The following SLIT2 variants were observed in gnomAD, a reference collection of about 807,000 sequenced individuals.
SLIT2 encodes the protein slit homolog 2 protein.
Under a neutral mutation model 185.7 loss-of-function variants are expected in SLIT2, and 41 were observed. The ratio of observed to expected loss-of-function variants is 0.22; its 90% CI spans 0.17 to 0.29. The LOEUF is 0.29. Among genes scored for constraint, SLIT2 ranks in the 10% least tolerant of loss-of-function variants. The pLI, the probability that SLIT2 is intolerant of heterozygous loss-of-function variation, is 1.00. For missense variants in SLIT2, 1,571 were observed against 1,909.0 expected (o/e 0.82, Z 3.30); for synonymous variants, 693 against 680.2 (o/e 1.02, Z -0.29).
At chr4:20,499,783 CAG>C (rs768435418) in intron 9 of SLIT2, among the ~76,000 whole-genome samples, 5 of 152,130 alleles carry the variant, frequency 3.3e-5, no homozygotes, top group Non-Finnish European at 5.9e-5. Context: ...ACGCCATGCC[CAG>C]AGTCATCTGA....
chr4:20,488,950 C>T lies in SLIT2; in HGVS notation c.743C>T (p.Ala248Val). 1 of 1,610,722 alleles carries T rather than the reference C, an allele frequency of 6.2e-7. No homozygotes were observed. Among genetic ancestry groups the T allele is most frequent in the South Asian group, 1.1e-5 (1 of 90,758 alleles). ...GPSHLRGHNV[A>V]EVQKREFVCS... ...TCCCACCTGAGAGGCCATAATGTAG[C>T]CGAGGTTCAAAAACGAGAATTTGTC... Residue 248 changes from alanine to valine, a missense_variant, in exon 8 of 37, where the codon GCC becomes GTC. Physicochemically the swap from Ala to Val is moderately conservative, Grantham distance 64. Transcript: ENST00000504154.
intron 4 of SLIT2, among the ~76,000 whole-genome samples, chr4:20,377,914 G>T (rs1387562334): frequency 9.9e-5 from 15 of 152,090 alleles, no homozygotes; most frequent in Non-Finnish European, 4.4e-5. Context: ...TAAAAATGAA[G>T]AATAAGGAAA....
chr4:20,579,062 G>A (rs1186641092), intron 29 of SLIT2, among the ~76,000 whole-genome samples: 8 of 152,122 alleles, frequency 5.3e-5, no homozygotes, highest in East Asian at 1.9e-4. Context: ...TTGGGAGGCC[G>A]AGGCAGGTGG....
At position 20,305,636 on chromosome 4, in the gene SLIT2, G is replaced by T. The variant is rs563096935; in HGVS notation, c.395+36755G>T. 2.6e-5 allele frequency among the ~76,000 whole-genome samples: 4 copies of T among 152,096 alleles called. No individual in the cohort carries two copies. The East Asian group carries it at 7.8e-4, about 30-fold the overall frequency. On this transcript the variant is annotated intron_variant, in intron 4 of 36. Coordinates refer to ENST00000504154, the MANE Select transcript of SLIT2 (RefSeq NM_004787.4). Reference sequence around the variant, plus strand: ...GCCTATAATCCCAGCATTTTGGGAGGCCGAGGTGGGCAGATCACTTGAGAT... The same window carrying T: ...GCCTATAATCCCAGCATTTTGGGAGTCCGAGGTGGGCAGATCACTTGAGAT...
chr4:20,553,459 C>T (rs547131377), intron 25 of SLIT2, among the ~76,000 whole-genome samples: 2 of 152,234 alleles, frequency 1.3e-5, no homozygotes, highest in South Asian at 2.1e-4. Flanking sequence ...CTTAAGTCAT[C>T]AGTAAATAAT....
chr4:20,467,435 T>C (rs1279038503), intron 4 of SLIT2, among the ~76,000 whole-genome samples: 1 of 152,068 alleles, frequency 6.6e-6, no homozygotes, highest in Non-Finnish European at 1.5e-5. Flanking sequence ...ATGAACAATT[T>C]ACTATTCTTT....
At chr4:20,370,261 G>T (rs1286084694) in intron 4 of SLIT2, among the ~76,000 whole-genome samples, 13 of 152,086 alleles carry the variant, frequency 8.5e-5, no homozygotes, top group African/African-American at 2.9e-4. Flanking sequence ...TTTCCACAAA[G>T]ATTGGCTGGA....
chr4:20,375,255 A>T (rs1385070756), intron 4 of SLIT2, among the ~76,000 whole-genome samples: 1 of 152,046 alleles, frequency 6.6e-6, no homozygotes, highest in Non-Finnish European at 1.5e-5. Flanking sequence ...GAATGGTATC[A>T]TCAGTCTTTT....
intron 2 of SLIT2, among the ~76,000 whole-genome samples, chr4:20,257,269 TG>T (rs1436783747): frequency 6.6e-6 from 1 of 152,100 alleles, no homozygotes; most frequent in Non-Finnish European, 1.5e-5. Flanking sequence ...ATAAAATTGT[TG>T]CAATATGATT....
In SLIT2 at chr4:20,321,920, T is replaced by A. The variant is rs1264627339; in HGVS notation, c.395+53039T>A. 2.0e-5 allele frequency among the ~76,000 whole-genome samples: 3 copies of A among 152,154 alleles called. No homozygotes were observed. The South Asian group carries it at 6.2e-4, about 32-fold the overall frequency. On this transcript the variant is annotated intron_variant, in intron 4 of 36. Coordinates refer to ENST00000504154, the MANE Select transcript of SLIT2 (RefSeq NM_004787.4). The stretch of plus-strand genomic sequence containing the variant: ...TGGGACCGGTAGTGTGAACATCATC[T>A]GGGAATTGTTAGAAATGCAGACTCT...
rs1052709175 is a variant in SLIT2 at position 20,618,752 on chromosome 4, T to C, written c.4349-16T>C. On this transcript the variant is annotated splice_polypyrimidine_tract_variant and intron_variant, in intron 36 of 36. Coordinates refer to ENST00000504154, the MANE Select transcript of SLIT2 (RefSeq NM_004787.4). ...TGACTGTTCTTAAAATGCTTGTGCT[T>C]TTTGTTCTTTTCTAGAAATCTCTTG... The C allele has an allele frequency of 6.4e-7, 1 of 1,572,440 alleles. No homozygotes were observed. The highest frequency in any genetic ancestry group is 1.4e-5 in the African/African-American group (1 of 73,978).
At chr4:20,570,621 G>C (rs961027775) in intron 29 of SLIT2, among the ~76,000 whole-genome samples, 1 of 150,294 alleles carries the variant, frequency 6.7e-6, no homozygotes, top group African/African-American at 2.4e-5. Context: ...AATTTTGGAG[G>C]CCTCCTTAAA....
chr4:20,559,866 C>T (rs747807722), intron 26 of SLIT2, among the ~76,000 whole-genome samples: 6 of 151,756 alleles, frequency 4.0e-5, no homozygotes, highest in Non-Finnish European at 7.4e-5. Context: ...ATAAGATTGC[C>T]ACCCTATTAT....
chr4:20,481,371 T>A (rs536237462), intron 6 of SLIT2, among the ~76,000 whole-genome samples: 1 of 152,228 alleles, frequency 6.6e-6, no homozygotes, highest in African/African-American at 2.4e-5. Context: ...ACTGACAAAA[T>A]TGGTTAGAGG....
intron 26 of SLIT2, among the ~76,000 whole-genome samples, chr4:20,556,988 C>G (rs1724313167): frequency 6.6e-6 from 1 of 152,048 alleles, no homozygotes; most frequent in Non-Finnish European, 1.5e-5. Context: ...AAACAAAACC[C>G]TAACCTAAAG....
At chr4:20,554,186 C>G (rs917250267) in intron 26 of SLIT2, 9 of 600,712 alleles carry the variant, frequency 1.5e-5, no homozygotes, top group Non-Finnish European at 2.4e-5. Context: ...TGGTAATGAC[C>G]AAGTTTTCTT....
At chr4:20,271,737 C>T (rs1282010143) in intron 4 of SLIT2, among the ~76,000 whole-genome samples, 1 of 151,856 alleles carries the variant, frequency 6.6e-6, no homozygotes, top group Non-Finnish European at 1.5e-5. Flanking sequence ...AGTTTATACA[C>T]TGAAGTTTGA....
intron 4 of SLIT2, among the ~76,000 whole-genome samples, chr4:20,326,737 T>A (rs191827234): frequency 1.7e-3 from 256 of 147,356 alleles, no homozygotes; most frequent in Non-Finnish European, 3.0e-3. Context: ...GTTGAAAGCA[T>A]TCTGAAACCT....
intron 4 of SLIT2, among the ~76,000 whole-genome samples, chr4:20,339,541 A>C (rs570504769): frequency 1.3e-5 from 2 of 152,308 alleles, no homozygotes; most frequent in South Asian, 4.1e-4. Context: ...TTTCTATGTG[A>C]TTTTCATGTG....
Sources: gnomAD v4.1 joint callset for allele counts (sites outside exome capture counted in the v4.1 genomes callset) on GRCh38, gnomAD v4.1.1 for gene constraint, MANE v1.5 for transcripts, NCBI Gene and HGNC (gene_info 2026-07-23, HGNC 2026-07-21) for gene names.